The following ADARB2 variants were observed in gnomAD, a reference collection of about 807,000 sequenced individuals.
The protein encoded by ADARB2 is inactive double-stranded RNA-specific editase B2.
ADARB2 carries 25 observed loss-of-function variants against 62.2 expected under a neutral mutation model. The ratio of observed to expected loss-of-function variants is 0.40; its 90% CI spans 0.29 to 0.56. ADARB2 has a LOEUF of 0.56. Ranked by LOEUF, ADARB2 falls within the 20% of genes least tolerant of loss-of-function variation. ADARB2 has a pLI of 0.43. For synonymous variants in ADARB2, 572 were observed against 500.8 expected, an observed-to-expected ratio of 1.14 and a Z score of -1.90; for missense variants, 1,071 against 1,077.4, an observed-to-expected ratio of 0.99 and a Z score of 0.08.
At position 1,294,874 on chromosome 10, in the gene ADARB2, T is replaced by C. The variant is rs147976935; in HGVS notation, c.1078-23805A>G. Among the ~76,000 whole-genome samples, 7 of 152,252 alleles carry C rather than the reference T, an allele frequency of 4.6e-5. No individual in the cohort carries two copies. In the East Asian group the frequency reaches 1.4e-3, roughly 29 times the overall value. On this transcript the variant is annotated intron_variant, in intron 3 of 9. Transcript: ENST00000381312. ...CAAATTGTATTCTCCTGGGGAGATTTAAAAACTGTCCCCTGCCAAGGCCCC... is the reference window on the plus strand; with the variant it reads ...CAAATTGTATTCTCCTGGGGAGATTCAAAAACTGTCCCCTGCCAAGGCCCC...
At chr10:1,400,127 G>A (rs769348312) in intron 1 of ADARB2, among the ~76,000 whole-genome samples, 16 of 152,336 alleles carry the variant, frequency 1.1e-4, no homozygotes, top group South Asian at 2.1e-4. Context: ...ACCGCTGAGC[G>A]TGGGCAGAGA....
At position 1,556,296 on chromosome 10, in the gene ADARB2, C is replaced by G. The variant is rs886123169; in HGVS notation, c.101-177136G>C. Among the ~76,000 whole-genome samples the G allele has an allele frequency of 9.5e-5, 14 of 146,918 alleles. 1 individual carries two copies. Among genetic ancestry groups the G allele is most frequent in the Non-Finnish European group, 1.5e-5 (1 of 66,908 alleles). On this transcript the variant is annotated intron_variant, in intron 1 of 9. Transcript: ENST00000381312. ...TTTTTTAAATTTCTTTACTGGGGGA[C>G]AAATCCCTTTGCTTGAGGGGGTTCT...
chr10:1,693,886 G>A (rs1157257474), intron 1 of ADARB2, among the ~76,000 whole-genome samples: 1 of 152,188 alleles, frequency 6.6e-6, no homozygotes, highest in Non-Finnish European at 1.5e-5. Flanking sequence ...TCTTGCAGAT[G>A]GGCAGGCTGG....
rs546691599 is a variant in ADARB2, at chr10:1,650,634, T to C, written c.100+86417A>G. Among the ~76,000 whole-genome samples the C allele has an allele frequency of 1.2e-4, 19 of 152,312 alleles. 1 individual carries two copies. The highest frequency in any genetic ancestry group is 4.1e-4 in the African/African-American group (17 of 41,560). Reference sequence around the variant, plus strand: ...GAAAGGTCTAAGTTAATCTGTCCCTTACTATCTTAAATTAAACGGGCACAT... The same window carrying C: ...GAAAGGTCTAAGTTAATCTGTCCCTCACTATCTTAAATTAAACGGGCACAT... On this transcript the variant is annotated intron_variant, in intron 1 of 9. Transcript: ENST00000381312.
intron 1 of ADARB2, among the ~76,000 whole-genome samples, chr10:1,497,206 C>T (rs1831704736): frequency 6.6e-6 from 1 of 152,194 alleles, no homozygotes; most frequent in Admixed American, 6.5e-5. Context: ...CTTCATTTTG[C>T]AAGGAGAAAA....
chr10:1,515,468 T>G lies in ADARB2; in HGVS notation c.101-136308A>C, dbSNP rs1478685896. Among the ~76,000 whole-genome samples, 11 of 152,296 alleles carry G rather than the reference T, an allele frequency of 7.2e-5. No individual in the cohort carries two copies. The East Asian group carries it at 2.1e-3, about 29-fold the overall frequency. ...GCTTTCTGGGTGATGAGGGGGACAT[T>G]CACACTGCAGAAGAGTAAGGACATC... is the stretch of plus-strand genomic sequence containing the variant. On this transcript the variant is annotated intron_variant, in intron 1 of 9. Coordinates refer to ENST00000381312, the MANE Select transcript of ADARB2 (RefSeq NM_018702.4).
chr10:1,485,857 A>G (rs1201484243), intron 1 of ADARB2, among the ~76,000 whole-genome samples: 2 of 152,278 alleles, frequency 1.3e-5, no homozygotes, highest in Non-Finnish European at 2.9e-5. Context: ...TGTAATGGAC[A>G]AAATATTGGC....
intron 4 of ADARB2, among the ~76,000 whole-genome samples, chr10:1,268,195 T>C (rs1831224606): frequency 1.3e-5 from 2 of 152,164 alleles, no homozygotes; most frequent in East Asian, 1.9e-4. Context: ...TCTAGAAATA[T>C]AGAAGTATGT....
intron 1 of ADARB2, among the ~76,000 whole-genome samples, chr10:1,386,761 G>T (rs996051427): frequency 6.6e-6 from 1 of 151,834 alleles, no homozygotes; most frequent in Non-Finnish European, 1.5e-5. Flanking sequence ...GTGAGAAAAA[G>T]GTGGTATAGA....
At chr10:1,347,110 G>T (rs1832087750) in intron 3 of ADARB2, among the ~76,000 whole-genome samples, 1 of 152,240 alleles carries the variant, frequency 6.6e-6, no homozygotes, top group African/African-American at 2.4e-5. Context: ...GAGGGGCCCA[G>T]GACTGGCCCA....
intron 1 of ADARB2, among the ~76,000 whole-genome samples, chr10:1,673,657 C>T (rs117505845): frequency 0.027 from 4,141 of 152,278 alleles, 93 homozygotes; most frequent in South Asian, 0.043. Context: ...ACGGGAACGT[C>T]GGATCATAAC....
intron 3 of ADARB2, among the ~76,000 whole-genome samples, chr10:1,331,848 A>G (rs941602441): frequency 1.3e-5 from 2 of 152,224 alleles, no homozygotes; most frequent in African/African-American, 4.8e-5. Context: ...TGAAGACTTT[A>G]ACACACTACA....
chr10:1,341,200 G>T (rs531218449), intron 3 of ADARB2, among the ~76,000 whole-genome samples: 3 of 151,892 alleles, frequency 2.0e-5, no homozygotes, highest in Non-Finnish European at 4.4e-5. Context: ...GCAATAACCA[G>T]CATCCACCAG....
chr10:1,348,958 AAGGAGAGAGGGCTC>A (rs1053058168), intron 3 of ADARB2, among the ~76,000 whole-genome samples: 1 of 151,940 alleles, frequency 6.6e-6, no homozygotes. Flanking sequence ...ACAATGGGGG[AAGGAGAGAGGGCTC>A]AGGGGAGAGG....
intron 1 of ADARB2, among the ~76,000 whole-genome samples, chr10:1,623,180 T>G (rs1245703810): frequency 2.0e-5 from 3 of 152,158 alleles, no homozygotes; most frequent in African/African-American, 7.2e-5. Flanking sequence ...TGGGATTGGA[T>G]TGTTGCAAAA....
At chr10:1,525,881 G>T (rs999452857) in intron 1 of ADARB2, among the ~76,000 whole-genome samples, 1 of 152,088 alleles carries the variant, frequency 6.6e-6, no homozygotes, top group African/African-American at 2.4e-5. Context: ...GTTTATGTGC[G>T]TGTATGTGCA....
intron 1 of ADARB2, among the ~76,000 whole-genome samples, chr10:1,610,881 CAT>C (rs972484270): frequency 5.9e-5 from 9 of 152,082 alleles, no homozygotes; most frequent in East Asian, 5.8e-4. Flanking sequence ...TACAAACACA[CAT>C]AGACATGTAA....
intron 1 of ADARB2, among the ~76,000 whole-genome samples, chr10:1,720,864 C>T (rs1454352724): frequency 2.6e-5 from 4 of 152,138 alleles, no homozygotes; most frequent in East Asian, 1.9e-4. Context: ...CGTGTGTGCC[C>T]GATGTCCTGG....
At chr10:1,307,908 C>T (rs1337565079) in intron 3 of ADARB2, among the ~76,000 whole-genome samples, 5 of 121,110 alleles carry the variant, frequency 4.1e-5, no homozygotes, top group Non-Finnish European at 8.3e-5. Flanking sequence ...GGAAGGGGAA[C>T]ATCACACTCT....
Sources: allele counts gnomAD v4.1 joint callset (sites outside exome capture counted in the v4.1 genomes callset), GRCh38; gene constraint gnomAD v4.1.1; transcripts MANE v1.5; gene names NCBI Gene and HGNC (gene_info 2026-07-23, HGNC 2026-07-21).